KCNH1: variants seen among roughly 807,000 people sequenced by gnomAD.
KCNH1 encodes voltage-gated delayed rectifier potassium channel KCNH1.
A neutral mutation model predicts 69.2 loss-of-function variants in KCNH1; 27 were observed. The observed-to-expected ratio is 0.39, with a 90% CI of 0.29 to 0.54. The LOEUF is 0.54. KCNH1 is among the 20% of genes least tolerant of loss of function. The pLI, the probability that KCNH1 is intolerant of heterozygous loss-of-function variation, is 0.68. For synonymous variants in KCNH1, 456 were observed against 487.7 expected (o/e 0.93, Z 0.86); for missense variants, 798 against 1,261.6 (o/e 0.63, Z 5.57).
intron 6 of KCNH1, among the ~76,000 whole-genome samples, chr1:210,951,851 T>C (rs1688067923): frequency 6.6e-6 from 1 of 152,166 alleles, no homozygotes; most frequent in African/African-American, 2.4e-5. Context: ...AAAACAGCTA[T>C]ATGATGCACA....
At chr1:211,002,318 A>G (rs1689201182) in intron 6 of KCNH1, among the ~76,000 whole-genome samples, 1 of 108,746 alleles carries the variant, frequency 9.2e-6, no homozygotes. Context: ...GTATACGTGT[A>G]TATATATATG....
At chr1:211,119,682 C>G (rs1485331066) in intron 1 of KCNH1, among the ~76,000 whole-genome samples, 1 of 152,282 alleles carries the variant, frequency 6.6e-6, no homozygotes, top group African/African-American at 2.4e-5. Context: ...TCTTGTGGCT[C>G]TATTGTGATT....
At chr1:210,751,084 G>T (rs1261321161) in intron 10 of KCNH1, among the ~76,000 whole-genome samples, 2 of 152,158 alleles carry the variant, frequency 1.3e-5, no homozygotes, top group African/African-American at 2.4e-5. Flanking sequence ...CTTTCTGGAG[G>T]AGGCATCTTT....
At chr1:210,847,663 T>C (rs1685588755) in intron 7 of KCNH1, among the ~76,000 whole-genome samples, 1 of 151,874 alleles carries the variant, frequency 6.6e-6, no homozygotes, top group South Asian at 2.1e-4. Flanking sequence ...CACGCCAAGA[T>C]GGCACATGTA....
In KCNH1 at chr1:210,873,178, C is replaced by T. The variant is rs1306535100; in HGVS notation, c.1462+46462G>A. Among the ~76,000 whole-genome samples the T allele has an allele frequency of 5.3e-5, 8 of 152,124 alleles. 1 individual carries two copies. In the South Asian group the frequency reaches 1.2e-3, roughly 24 times the overall value. On this transcript the variant is annotated intron_variant, in intron 7 of 10. Transcript: ENST00000271751. ...CTTGCTTCCCCTAAGCAACATTATT[C>T]ATTCCCATGCAATGGTCTTGTATGT...
chr1:210,681,079 G>A lies in KCNH1; in HGVS notation c.*2202C>T, dbSNP rs976508956. ...AGTGTCTCCAGTGGCAGGTTCTTCT[G>A]AGGCTGGGTTTTGGGGGTGATTAGA... On this transcript the variant is annotated 3_prime_UTR_variant, in exon 11 of 11. Coordinates refer to ENST00000271751, the MANE Select transcript of KCNH1 (RefSeq NM_172362.3). The A allele has an allele frequency of 2.0e-5, 3 of 152,242 alleles. No homozygotes were observed. The highest frequency in any genetic ancestry group is 7.2e-5 in the African/African-American group (3 of 41,452). The allele number at this position is 152,242 out of a possible 1,614,324, so 9.4% of individuals were successfully genotyped here.
chr1:211,023,837 T>C (rs543471666), intron 5 of KCNH1, among the ~76,000 whole-genome samples: 1 of 152,274 alleles, frequency 6.6e-6, no homozygotes, highest in Admixed American at 6.5e-5. Flanking sequence ...TCAATAAAAA[T>C]CGTTTTTTAA....
At chr1:210,834,660 T>C (rs981653366) in intron 7 of KCNH1, among the ~76,000 whole-genome samples, 2 of 146,242 alleles carry the variant, frequency 1.4e-5, no homozygotes, top group African/African-American at 2.6e-5. Context: ...ATTGTGCACA[T>C]GTACCCTAAA....
chr1:210,788,627 C>G (rs73069544), intron 9 of KCNH1, among the ~76,000 whole-genome samples: 3,849 of 151,348 alleles, frequency 0.025, 176 homozygotes, highest in African/African-American at 0.088. Context: ...TGTGCACTAC[C>G]TGATACAAGT....
chr1:210,994,868 C>T (rs1388634687), intron 6 of KCNH1, among the ~76,000 whole-genome samples: 4 of 152,148 alleles, frequency 2.6e-5, no homozygotes, highest in Non-Finnish European at 4.4e-5. Context: ...AGATGAAAAC[C>T]TTTCTGAGCC....
At chr1:210,994,656 C>A (rs185031961) in intron 6 of KCNH1, among the ~76,000 whole-genome samples, 2 of 152,132 alleles carry the variant, frequency 1.3e-5, no homozygotes, top group Admixed American at 1.3e-4. Context: ...TAATTGTAAT[C>A]GTTTAGAAAA....
chr1:210,843,473 G>A (rs978828099), intron 7 of KCNH1, among the ~76,000 whole-genome samples: 3 of 152,156 alleles, frequency 2.0e-5, no homozygotes, highest in Non-Finnish European at 4.4e-5. Context: ...ATCTTTCTAT[G>A]CTGTAACACT....
intron 5 of KCNH1, among the ~76,000 whole-genome samples, chr1:211,024,724 T>C (rs1689653389): frequency 1.3e-5 from 2 of 151,550 alleles, no homozygotes; most frequent in South Asian, 4.2e-4. Context: ...AAAGATGAGA[T>C]GATAGAGAAA....
chr1:211,022,754 C>T (rs896484315), intron 5 of KCNH1, among the ~76,000 whole-genome samples: 1 of 151,874 alleles, frequency 6.6e-6, no homozygotes, highest in African/African-American at 2.4e-5. Context: ...CAGGAAAATG[C>T]AAATCAAAAT....
intron 10 of KCNH1, among the ~76,000 whole-genome samples, chr1:210,693,523 C>G (rs1681569388): frequency 6.6e-6 from 1 of 152,124 alleles, no homozygotes; most frequent in African/African-American, 2.4e-5. Context: ...GGGGATGGCC[C>G]AGGGAAGCAG....
intron 7 of KCNH1, among the ~76,000 whole-genome samples, chr1:210,835,361 G>A (rs963746576): frequency 2.0e-5 from 3 of 152,150 alleles, no homozygotes; most frequent in South Asian, 2.1e-4. Flanking sequence ...AATTCCATGA[G>A]CTCTAATTAA....
intron 6 of KCNH1, among the ~76,000 whole-genome samples, chr1:210,943,526 T>A (rs1472524133): frequency 2.0e-5 from 3 of 151,882 alleles, no homozygotes; most frequent in Non-Finnish European, 4.4e-5. Flanking sequence ...TTTTTGTATT[T>A]TTTTTTTAGC....
At chr1:211,066,177 C>T (rs541269303) in intron 5 of KCNH1, among the ~76,000 whole-genome samples, 75 of 152,132 alleles carry the variant, frequency 4.9e-4, no homozygotes, top group South Asian at 2.1e-4. Context: ...ACTTTATATA[C>T]GTCTTTAGTT....
chr1:210,941,408 G>A (rs182185219), intron 6 of KCNH1, among the ~76,000 whole-genome samples: 2 of 152,260 alleles, frequency 1.3e-5, no homozygotes, highest in South Asian at 2.1e-4. Flanking sequence ...AGCAGGTTGG[G>A]GGCAAGGAGG....
Sources: allele counts gnomAD v4.1 joint callset (sites outside exome capture counted in the v4.1 genomes callset), GRCh38; gene constraint gnomAD v4.1.1; transcripts MANE v1.5; gene names NCBI Gene and HGNC (gene_info 2026-07-23, HGNC 2026-07-21).